Variants in NEGR1 observed in about 807,000 individuals in gnomAD.
The protein encoded by NEGR1 is neuronal growth regulator 1.
In NEGR1, 10 loss-of-function variants were observed where a neutral mutation model predicts 40.9. That is an observed-to-expected ratio of 0.24 (90% CI 0.15 to 0.42). The LOEUF (loss-of-function observed/expected upper bound fraction) is 0.42, where lower values mean the gene tolerates loss of function less well. Ranked by LOEUF, NEGR1 falls within the 10% of genes least tolerant of loss-of-function variation. The pLI, the probability that NEGR1 is intolerant of heterozygous loss-of-function variation, is 1.00. For synonymous variants in NEGR1, 185 were observed against 166.8 expected (o/e 1.11, Z -0.84); for missense variants, 352 against 438.9 (o/e 0.80, Z 1.77).
At chr1:71,852,860 G>GA (rs940442709) in intron 2 of NEGR1, among the ~76,000 whole-genome samples, 1 of 150,720 alleles carries the variant, frequency 6.6e-6, no homozygotes, top group African/African-American at 2.4e-5. Flanking sequence ...TAACTGACTG[G>GA]AAAAAATGGA....
At chr1:71,786,581 T>C (rs992758771) in intron 2 of NEGR1, among the ~76,000 whole-genome samples, 1 of 152,192 alleles carries the variant, frequency 6.6e-6, no homozygotes, top group African/African-American at 2.4e-5. Context: ...GAGAGACTAA[T>C]GACTTATTTG....
intron 1 of NEGR1, among the ~76,000 whole-genome samples, chr1:72,083,925 C>T (rs72947393): frequency 0.074 from 11,233 of 152,078 alleles, 564 homozygotes; most frequent in East Asian, 0.28. Context: ...TCTTGAGGTT[C>T]ATTCTTGGTG....
At chr1:71,715,887 C>A (rs1654256109) in intron 3 of NEGR1, among the ~76,000 whole-genome samples, 2 of 152,152 alleles carry the variant, frequency 1.3e-5, no homozygotes, top group South Asian at 2.1e-4. Flanking sequence ...CCAGCCTCCG[C>A]CTGTTACCCA....
chr1:71,857,491 G>A (rs908639234), intron 2 of NEGR1, among the ~76,000 whole-genome samples: 5 of 148,560 alleles, frequency 3.4e-5, no homozygotes, highest in African/African-American at 1.2e-4. Flanking sequence ...AGCTGGGCTT[G>A]GTGGCACACA....
chr1:71,596,224 C>G (rs191230793), intron 5 of NEGR1, among the ~76,000 whole-genome samples: 42 of 152,192 alleles, frequency 2.8e-4, no homozygotes, highest in Non-Finnish European at 5.4e-4. Flanking sequence ...TTCTGTGGAC[C>G]CTGCTGTCCT....
At chr1:71,768,128 CCA>C (rs1188227723) in intron 3 of NEGR1, among the ~76,000 whole-genome samples, 2 of 152,306 alleles carry the variant, frequency 1.3e-5, no homozygotes, top group African/African-American at 4.8e-5. Flanking sequence ...GTCAGAGCCG[CCA>C]CACAGAGTCC....
At chr1:72,179,361 T>C (rs951208267) in intron 1 of NEGR1, among the ~76,000 whole-genome samples, 3 of 152,056 alleles carry the variant, frequency 2.0e-5, no homozygotes, top group African/African-American at 7.2e-5. Flanking sequence ...CATTGCTTTA[T>C]GTGTCTGGTT....
intron 6 of NEGR1, among the ~76,000 whole-genome samples, chr1:71,567,437 C>T (rs1372225736): frequency 1.3e-5 from 2 of 151,992 alleles, no homozygotes; most frequent in Non-Finnish European, 2.9e-5. Context: ...TTCCTATTAC[C>T]TATACTTTAA....
chr1:71,470,956 A>G (rs1254035401), intron 6 of NEGR1, among the ~76,000 whole-genome samples: 1 of 152,024 alleles, frequency 6.6e-6, no homozygotes, highest in African/African-American at 2.4e-5. Flanking sequence ...ATTCAGGCAC[A>G]TTTACTAATT....
intron 2 of NEGR1, among the ~76,000 whole-genome samples, chr1:71,906,913 T>C (rs762780112): frequency 1.4e-4 from 21 of 152,122 alleles, no homozygotes; most frequent in Non-Finnish European, 1.6e-4. Context: ...GGAAATCAGC[T>C]GAATTTAGGA....
intron 1 of NEGR1, among the ~76,000 whole-genome samples, chr1:72,065,227 C>T (rs890050840): frequency 6.6e-6 from 1 of 152,046 alleles, no homozygotes; most frequent in African/African-American, 2.4e-5. Context: ...TTATTACTTT[C>T]TAAGGATAAA....
chr1:71,452,878 C>G (rs895003227), intron 6 of NEGR1, among the ~76,000 whole-genome samples: 1 of 151,594 alleles, frequency 6.6e-6, no homozygotes, highest in South Asian at 2.1e-4. Flanking sequence ...GTCCTAACAA[C>G]TTTTATAAAA....
intron 6 of NEGR1, among the ~76,000 whole-genome samples, chr1:71,557,537 A>G (rs1030861865): frequency 1.3e-5 from 2 of 151,724 alleles, no homozygotes; most frequent in Non-Finnish European, 3.0e-5. Context: ...GACTAAATTA[A>G]TCTGCTCATT....
chr1:72,033,160 C>T (rs919195630), intron 1 of NEGR1, among the ~76,000 whole-genome samples: 2 of 152,032 alleles, frequency 1.3e-5, no homozygotes, highest in African/African-American at 4.8e-5. Context: ...TAGGCTTTGC[C>T]ACTATTATAA....
chr1:71,928,825 C>A (rs1645826952), intron 2 of NEGR1, among the ~76,000 whole-genome samples: 1 of 151,962 alleles, frequency 6.6e-6, no homozygotes, highest in Non-Finnish European at 1.5e-5. Flanking sequence ...GGTAATTGAA[C>A]TTACTTGGTC....
chr1:71,439,770 G>A (rs951928324), intron 6 of NEGR1: 1 of 151,908 alleles, frequency 6.6e-6, no homozygotes, highest in African/African-American at 2.4e-5. Flanking sequence ...TCTGGCTGAG[G>A]GATTCTTGTT....
At chr1:71,902,807 A>G (rs1373609001) in intron 2 of NEGR1, among the ~76,000 whole-genome samples, 1 of 152,184 alleles carries the variant, frequency 6.6e-6, no homozygotes, top group African/African-American at 2.4e-5. Flanking sequence ...TATTTGGAAA[A>G]TAAATACAAT....
intron 2 of NEGR1, among the ~76,000 whole-genome samples, chr1:71,783,218 G>C (rs182293761): frequency 6.6e-6 from 1 of 152,132 alleles, no homozygotes; most frequent in Admixed American, 6.5e-5. Flanking sequence ...TCCCATATCT[G>C]GTAATGGCTG....
intron 1 of NEGR1, among the ~76,000 whole-genome samples, chr1:72,250,466 T>C (rs1314037527): frequency 6.6e-6 from 1 of 152,180 alleles, no homozygotes; most frequent in Non-Finnish European, 1.5e-5. Flanking sequence ...AGCTGCTAAT[T>C]TGTTTAACTA....
Sources: gnomAD v4.1 joint callset for allele counts (sites outside exome capture counted in the v4.1 genomes callset) on GRCh38, gnomAD v4.1.1 for gene constraint, MANE v1.5 for transcripts, NCBI Gene and HGNC (gene_info 2026-07-23, HGNC 2026-07-21) for gene names.